The following PRKCA variants were observed in gnomAD, a reference collection of about 807,000 sequenced individuals.
PRKCA encodes the protein protein kinase C alpha, also known as protein kinase C alpha type.
PRKCA carries 27 observed loss-of-function variants against 87.0 expected under a neutral mutation model. The observed-to-expected ratio is 0.31, with a 90% CI of 0.23 to 0.43. The LOEUF is 0.43. PRKCA is among the 20% of genes least tolerant of loss of function. The probability of loss-of-function intolerance (pLI) is 1.00; values close to 1 mark genes in which losing one functional copy is unlikely to be tolerated. For missense variants in PRKCA, 518 were observed against 852.3 expected (o/e 0.61, Z 4.88); for synonymous variants, 329 against 311.1 (o/e 1.06, Z -0.61).
At chr17:66,684,748 G>A in intron 5 of PRKCA, among the ~76,000 whole-genome samples, 1 of 152,140 alleles carries the variant, frequency 6.6e-6, no homozygotes, top group East Asian at 1.9e-4. Context: ...TTCTGCAACT[G>A]GTAGGAGGCA....
In PRKCA at chr17:66,792,972, G is replaced by T. The variant is rs991970421; in HGVS notation, c.1854+3993G>T. 6.6e-6 allele frequency among the ~76,000 whole-genome samples: 1 copy of T among 152,194 alleles called. No individual in the cohort carries two copies. Among genetic ancestry groups the T allele is most frequent in the African/African-American group, 2.4e-5 (1 of 41,452 alleles). On this transcript the variant is annotated intron_variant, in intron 16 of 16. Transcript: ENST00000413366. This position sits in a 1 kb window ranked among gnomAD's most constrained non-coding sequence, Gnocchi z 4.5. The stretch of plus-strand genomic sequence containing the variant: ...CCCTAAAAAGCTACCATGTGCCACC[G>T]TGAAGATGATGATTTTCTGGAAGAT...
chr17:66,555,229 G>A (rs757057268), intron 3 of PRKCA, among the ~76,000 whole-genome samples: 10 of 152,200 alleles, frequency 6.6e-5, no homozygotes, highest in African/African-American at 7.2e-5. Flanking sequence ...TGTGCAGTCA[G>A]CACAGCATTT....
chr17:66,358,362 G>A (rs994085364), intron 2 of PRKCA, among the ~76,000 whole-genome samples: 1 of 152,118 alleles, frequency 6.6e-6, no homozygotes, highest in African/African-American at 2.4e-5. Flanking sequence ...CTTAATTGAT[G>A]CTTTGAATGG....
chr17:66,485,736 C>T (rs1335137266), intron 2 of PRKCA, among the ~76,000 whole-genome samples: 1 of 152,108 alleles, frequency 6.6e-6, no homozygotes. Flanking sequence ...TCCTGTTCCA[C>T]TACACTGAGG....
At chr17:66,457,546 C>T (rs139876773) in intron 2 of PRKCA, among the ~76,000 whole-genome samples, 2,015 of 152,236 alleles carry the variant, frequency 0.013, 49 homozygotes, top group African/African-American at 0.046. Context: ...CCACCCAAAT[C>T]TCATCTTGAA....
chr17:66,370,986 A>G (rs1909076289), intron 2 of PRKCA, among the ~76,000 whole-genome samples: 1 of 152,182 alleles, frequency 6.6e-6, no homozygotes, highest in African/African-American at 2.4e-5. Context: ...TGCCTGTAGC[A>G]TTTCTCCTTA....
intron 3 of PRKCA, among the ~76,000 whole-genome samples, chr17:66,501,495 C>T (rs978090482): frequency 5.3e-5 from 8 of 152,306 alleles, no homozygotes; most frequent in South Asian, 4.2e-4. Flanking sequence ...CCAACGTTAG[C>T]GGTGAGCTCA....
intron 5 of PRKCA, 29 bp downstream of exon 5, chr17:66,645,540 C>G (rs761437984): frequency 6.2e-7 from 1 of 1,613,230 alleles, no homozygotes; most frequent in Non-Finnish European, 8.5e-7. Flanking sequence ...GGAGCAGCAT[C>G]GTGGGCAGGC....
chr17:66,661,434 C>A (rs2159987), intron 5 of PRKCA, among the ~76,000 whole-genome samples: 7,828 of 152,220 alleles, frequency 0.051, 686 homozygotes, highest in African/African-American at 0.18. Flanking sequence ...GAGGATGCAG[C>A]CAGGCTCCTG....
intron 3 of PRKCA, among the ~76,000 whole-genome samples, chr17:66,554,053 G>T (rs1396579758): frequency 6.6e-6 from 1 of 152,084 alleles, no homozygotes; most frequent in Non-Finnish European, 1.5e-5. Context: ...GAAGAACTGG[G>T]CACCAGACAT....
chr17:66,664,567 A>G (rs1203521814), intron 5 of PRKCA, among the ~76,000 whole-genome samples: 1 of 152,080 alleles, frequency 6.6e-6, no homozygotes, highest in Non-Finnish European at 1.5e-5. Flanking sequence ...GACATCATCA[A>G]AGAAGAGAGA....
intron 8 of PRKCA, among the ~76,000 whole-genome samples, chr17:66,710,723 G>A (rs1286107763): frequency 6.6e-6 from 1 of 151,986 alleles, no homozygotes; most frequent in African/African-American, 2.4e-5. Context: ...CTCCTCTTCA[G>A]ATTAGGTTAG....
At chr17:66,415,311 A>G (rs1912071947) in intron 2 of PRKCA, 1 of 152,178 alleles carries the variant, frequency 6.6e-6, no homozygotes, top group Non-Finnish European at 1.5e-5. Flanking sequence ...TTTTTCCCTC[A>G]GTGAACAGCT....
rs560273966 is a variant in PRKCA, at chr17:66,472,415, G to A, written c.206-23786G>A. On this transcript the variant is annotated intron_variant, in intron 2 of 16. Transcript: ENST00000413366. ...TGCACAGGTGTCCCTGGGTTGGCTC[G>A]TTGATGGTAGTGGTGGAAATTGTCT... Among the ~76,000 whole-genome samples the A allele has an allele frequency of 2.0e-5, 3 of 152,282 alleles. No homozygotes were observed. The East Asian group carries it at 5.8e-4, about 29-fold the overall frequency.
chr17:66,761,480 G>C (rs998066822), intron 13 of PRKCA, among the ~76,000 whole-genome samples: 2 of 151,802 alleles, frequency 1.3e-5, no homozygotes, highest in African/African-American at 4.8e-5. Flanking sequence ...TTGTTGAGAT[G>C]GAGTCTCGCT....
intron 14 of PRKCA, chr17:66,774,859 C>T: frequency 1.0e-6 from 1 of 985,422 alleles, no homozygotes; most frequent in Non-Finnish European, 1.2e-6. Flanking sequence ...GTAATTTTCA[C>T]TGAAGTCCAG....
chr17:66,718,030 G>A (rs1973520439), intron 8 of PRKCA, among the ~76,000 whole-genome samples: 1 of 152,162 alleles, frequency 6.6e-6, no homozygotes, highest in African/African-American at 2.4e-5. Context: ...AAGGAAGTGG[G>A]GTGGCTTGGG....
intron 5 of PRKCA, among the ~76,000 whole-genome samples, chr17:66,654,041 GGGTCCTCTCTTTTGTAGAT>G (rs1439208030): frequency 2.0e-5 from 3 of 152,238 alleles, no homozygotes; most frequent in South Asian, 2.1e-4. Context: ...CAGCAAGACT[GGGTCCTCTCTTTTGTAGAT>G]GGAGAAGTAA....
At chr17:66,669,148 C>T (rs951183648) in intron 5 of PRKCA, among the ~76,000 whole-genome samples, 18 of 150,800 alleles carry the variant, frequency 1.2e-4, no homozygotes, top group Non-Finnish European at 5.9e-5. Context: ...AACATAATGC[C>T]ATTTGAACAA....
Sources: allele counts gnomAD v4.1 joint callset (sites outside exome capture counted in the v4.1 genomes callset), GRCh38; gene constraint gnomAD v4.1.1; non-coding constraint Gnocchi (gnomAD v3.1); transcripts MANE v1.5; gene names NCBI Gene and HGNC (gene_info 2026-07-23, HGNC 2026-07-21).